Variants in NUTM2G observed in about 807,000 individuals in gnomAD.
The protein encoded by NUTM2G is family with sequence similarity 22, member G.
In NUTM2G, 29 loss-of-function variants were observed where a neutral mutation model predicts 44.3. That is an observed-to-expected ratio of 0.66 (90% confidence interval 0.49 to 0.89). NUTM2G has a LOEUF of 0.89. Ranked by LOEUF, NUTM2G falls within the 40% of genes least tolerant of loss-of-function variation. The pLI is 0.00. For synonymous variants in NUTM2G, 205 were observed against 395.9 expected (o/e 0.52, Z 5.72); for missense variants, 502 against 946.5 (o/e 0.53, Z 6.16).
At chr9:96,937,601 C>G (rs1403745152) in intron 5 of NUTM2G, among the ~76,000 whole-genome samples, 197 bp downstream of exon 5, 1 of 151,946 alleles carries the variant, frequency 6.6e-6, no homozygotes, top group Non-Finnish European at 1.5e-5. Context: ...CTTTGTGTGT[C>G]TGTGTGGGTG....
At chr9:96,931,207 G>A (rs1347183490) in intron 1 of NUTM2G, among the ~76,000 whole-genome samples, 2 of 151,898 alleles carry the variant, frequency 1.3e-5, no homozygotes, top group Admixed American at 1.3e-4. Context: ...GTTTTCTTTT[G>A]TTGTGTTGAG....
intron 2 of NUTM2G, among the ~76,000 whole-genome samples, chr9:96,933,080 T>C (rs1259113486): frequency 1.3e-5 from 2 of 150,232 alleles, no homozygotes; most frequent in Middle Eastern, 3.4e-3. Context: ...CAGGTTCACG[T>C]CATTCTCCTG....
intron 1 of NUTM2G, 60 bp from the exon 2 acceptor site, chr9:96,931,662 C>T: frequency 6.3e-7 from 1 of 1,598,966 alleles, no homozygotes; most frequent in East Asian, 2.3e-5. Context: ...CCTGATTCCC[C>T]AGTGACTAGA....
chr9:96,931,577 G>A, intron 1 of NUTM2G, 145 bp from the exon 2 acceptor site: 2 of 692,544 alleles, frequency 2.9e-6, no homozygotes, highest in South Asian at 1.8e-5. Flanking sequence ...GAGGAACAGA[G>A]CATCTGATGC....
intron 1 of NUTM2G, among the ~76,000 whole-genome samples, chr9:96,930,754 C>A (rs893189913): frequency 5.3e-5 from 8 of 150,386 alleles, no homozygotes; most frequent in African/African-American, 2.0e-4. Context: ...TGAATCTGAC[C>A]CCTATTTAAC....
chr9:96,934,790 A>G (rs1216549997), intron 2 of NUTM2G, among the ~76,000 whole-genome samples: 2 of 152,168 alleles, frequency 1.3e-5, no homozygotes, highest in Admixed American at 6.5e-5. Context: ...ATCAAGACAC[A>G]TTCATGTCTC....
In NUTM2G at chr9:96,936,763, G is replaced by C. The variant is rs144645386; in HGVS notation, c.982+199G>C. Among the ~76,000 whole-genome samples, 1,413 of 152,286 alleles carry C rather than the reference G, an allele frequency of 9.3e-3. 51 individuals carry two copies. The East Asian group carries it at 0.1, about 11-fold the overall frequency. On this transcript the variant is annotated intron_variant, in intron 4 of 6. Transcript: ENST00000372322. The stretch of plus-strand genomic sequence containing the variant: ...GCCCGTGATCACGAAGCAGGGTATT[G>C]ACCGGGCCAAGTTTCCTACTTTCTC...
rs377392288 is a variant in NUTM2G, at chr9:96,935,484, C to T, written c.842+28C>T. ...GAGTCTGGGGTCCTGGGGGCAGGGCCCGTGTGGCGGGGTGAGAGTGAATGA... is the reference window on the plus strand; with the variant it reads ...GAGTCTGGGGTCCTGGGGGCAGGGCTCGTGTGGCGGGGTGAGAGTGAATGA... On this transcript the variant is annotated intron_variant, in intron 3 of 6. Transcript: ENST00000372322. The T allele has an allele frequency of 1.7e-5, 27 of 1,611,842 alleles. No individual in the cohort carries two copies. The African/African-American group carries it at 3.5e-4, about 21-fold the overall frequency.
downstream of NUTM2G, chr9:96,939,915 G>A (rs1216817372): frequency 6.9e-5 from 1 of 14,400 alleles, no homozygotes; most frequent in Admixed American, 6.2e-4. Context: ...TTCTGGGCAG[G>A]AGAGAGTCTT....
chr9:96,931,193 A>G (rs1826234820), intron 1 of NUTM2G, among the ~76,000 whole-genome samples: 1 of 151,864 alleles, frequency 6.6e-6, no homozygotes, highest in South Asian at 2.1e-4. Context: ...CGGCCTATCC[A>G]GTGGTTTTCT....
rs1398289246 is a variant in NUTM2G, at chr9:96,938,096, G to T, written c.1440+95G>T. On this transcript the variant is annotated intron_variant, in intron 6 of 6. Transcript: ENST00000372322. ...CGACTGTCTAAGCCCACCCTGCTGGGGATGTTCAGCTTCTTGGGGAGCCAC... is the reference window on the plus strand; with the variant it reads ...CGACTGTCTAAGCCCACCCTGCTGGTGATGTTCAGCTTCTTGGGGAGCCAC... 1.5e-5 allele frequency: 23 copies of T among 1,507,130 alleles called. No homozygotes were observed. The Middle Eastern group carries it at 7.1e-4, about 46-fold the overall frequency. The allele number at this position is 1,507,130 out of a possible 1,614,324, so 93.4% of individuals were successfully genotyped here. A position where few individuals can be genotyped will look rare whatever the true frequency, so the allele number is the denominator to read the frequency against.
rs749655755 is a variant in NUTM2G at position 96,931,865 on chromosome 9, C to T, written c.160C>T (p.Leu54=). 4.3e-6 allele frequency: 7 copies of T among 1,612,450 alleles called. No individual in the cohort carries two copies. The East Asian group carries it at 1.6e-4, about 36-fold the overall frequency. ...TGCAGTGGTTCCTCCAGCCGGCCCT[C>T]TGGTGCTCTCTGCCTTCCCCAGCAC... is the stretch of plus-strand genomic sequence containing the variant. ...VTAVVPPAGP[L]VLSAFPSTPL... is the part of the protein sequence containing the mutation. The change falls in exon 2 of 7, where the codon CTG becomes TTG. Residue 54 remains leucine (L), a synonymous_variant. Coordinates refer to ENST00000372322, the MANE Select transcript of NUTM2G (RefSeq NM_001170741.3).
rs1588199786 is a variant in NUTM2G at position 96,931,928 on chromosome 9, G to T, written c.223G>T (p.Gly75Trp). Residue 75 changes from glycine to tryptophan, a missense_variant, in exon 2 of 7, where the codon GGG (glycine) becomes TGG (tryptophan). Physicochemically the swap from Gly to Trp is radical, Grantham distance 184 (BLOSUM62 -2). Coordinates refer to ENST00000372322, the MANE Select transcript of NUTM2G (RefSeq NM_001170741.3). Reference sequence around the variant, plus strand: ...AGGACAGGATGGCCGCGGCCCAAGTGGGGCTGGGGCTTCCAACGTCTTTGT... The same window carrying T: ...AGGACAGGATGGCCGCGGCCCAAGTTGGGCTGGGGCTTCCAACGTCTTTGT... ...VAGQDGRGPS[G>W]AGASNVFVQM... 1 of 1,612,036 alleles carries T rather than the reference G, an allele frequency of 6.2e-7. No homozygotes were observed.
chr9:96,935,517 C>T, intron 3 of NUTM2G, 61 bp downstream of exon 3: 2 of 1,611,346 alleles, frequency 1.2e-6, no homozygotes, highest in Non-Finnish European at 1.7e-6. Context: ...TGACAGAGGC[C>T]CGGTGGCCGT....
At chr9:96,935,174 G>A (rs1190588749) in intron 2 of NUTM2G, among the ~76,000 whole-genome samples, 154 bp from the exon 3 acceptor site, 1 of 152,318 alleles carries the variant, frequency 6.6e-6, no homozygotes, top group East Asian at 1.9e-4. Context: ...TCTTGGGGGT[G>A]TGTCCTGGAG....
chr9:96,940,349 T>C (rs200889497), downstream of NUTM2G: 3,699 of 107,990 alleles, frequency 0.034, 41 homozygotes, highest in East Asian at 0.19. Flanking sequence ...CTGGAGTCTA[T>C]GAGTGAGATG....
intron 3 of NUTM2G, among the ~76,000 whole-genome samples, 186 bp downstream of exon 3, chr9:96,935,642 C>T (rs1469402661): frequency 6.6e-6 from 1 of 152,182 alleles, no homozygotes; most frequent in Non-Finnish European, 1.5e-5. Context: ...GGTCTCTGTC[C>T]CGCCCTCTTG....
intron 2 of NUTM2G, 143 bp downstream of exon 2, chr9:96,932,561 A>C: frequency 7.6e-7 from 1 of 1,314,112 alleles, no homozygotes; most frequent in Non-Finnish European, 1.1e-6. Context: ...GTACATTTTC[A>C]GCAACATTAA....
At position 96,935,400 on chromosome 9, in the gene NUTM2G, G is replaced by A; in HGVS notation, c.786G>A (p.Arg262=). ...TLEEGLWRAM[R]EWQHTSNFDR... ...AGGAGGGACTGTGGCGGGCCATGCGGGAATGGCAGCACACGAGCAACTTTG... is the reference window on the plus strand; with the variant it reads ...AGGAGGGACTGTGGCGGGCCATGCGAGAATGGCAGCACACGAGCAACTTTG... Residue 262 remains arginine (R), a synonymous_variant, in exon 3 of 7, where the codon CGG becomes CGA. Transcript: ENST00000372322. 1.2e-6 allele frequency: 2 copies of A among 1,612,080 alleles called. No individual in the cohort carries two copies. Among genetic ancestry groups the A allele is most frequent in the Non-Finnish European group, 1.7e-6 (2 of 1,179,870 alleles).
Sources: gnomAD v4.1 joint callset for allele counts (sites outside exome capture counted in the v4.1 genomes callset) on GRCh38, gnomAD v4.1.1 for gene constraint, MANE v1.5 for transcripts, NCBI Gene and HGNC (gene_info 2026-07-23, HGNC 2026-07-21) for gene names.